SLCO3A1: variants seen among roughly 807,000 people sequenced by gnomAD.
SLCO3A1 encodes the protein PGE1 transporter.
A neutral mutation model predicts 63.1 loss-of-function variants in SLCO3A1; 27 were observed. That is an observed-to-expected ratio of 0.43 (90% CI 0.32 to 0.59). The LOEUF (loss-of-function observed/expected upper bound fraction) is 0.59. Ranked by LOEUF, SLCO3A1 falls within the 20% of genes least tolerant of loss-of-function variation. The pLI, the probability that SLCO3A1 is intolerant of heterozygous loss-of-function variation, is 0.09. For synonymous variants in SLCO3A1, 473 were observed against 409.9 expected, an observed-to-expected ratio of 1.15 and a Z score of -1.86; for missense variants, 773 against 945.8, an observed-to-expected ratio of 0.82 and a Z score of 2.40.
At chr15:92,112,051 T>C (rs1419445012) in intron 4 of SLCO3A1, among the ~76,000 whole-genome samples, 1 of 151,812 alleles carries the variant, frequency 6.6e-6, no homozygotes, top group African/African-American at 2.4e-5. Flanking sequence ...TCACAGGAGG[T>C]TCAAAGGGAT....
At chr15:92,150,825 G>A in intron 8 of SLCO3A1, 125 bp from the exon 9 acceptor site, 2 of 561,394 alleles carry the variant, frequency 3.6e-6, no homozygotes, top group Middle Eastern at 2.8e-4. Context: ...TTTTAAAAAA[G>A]ACACTATTAG....
intron 9 of SLCO3A1, among the ~76,000 whole-genome samples, chr15:92,156,747 T>C (rs1423263906): frequency 1.3e-5 from 2 of 152,218 alleles, no homozygotes; most frequent in Non-Finnish European, 2.9e-5. Flanking sequence ...CCAGGTTGAA[T>C]AGAGATTCCA....
At chr15:91,922,495 G>A (rs1447518304) in intron 2 of SLCO3A1, among the ~76,000 whole-genome samples, 6 of 152,160 alleles carry the variant, frequency 3.9e-5, no homozygotes, top group Non-Finnish European at 4.4e-5. Flanking sequence ...TAGTACGAAG[G>A]GCCCCCGAAT....
At chr15:92,166,767 T>C (rs938961397), downstream of SLCO3A1, among the ~76,000 whole-genome samples, 2 of 152,178 alleles carry the variant, frequency 1.3e-5, no homozygotes, top group African/African-American at 2.4e-5. Flanking sequence ...AAAATGGAGA[T>C]AGATACATGT....
intron 2 of SLCO3A1, among the ~76,000 whole-genome samples, chr15:92,037,281 C>T (rs1405141338): frequency 6.6e-6 from 1 of 152,196 alleles, no homozygotes; most frequent in African/African-American, 2.4e-5. Flanking sequence ...TTCTTCCTGG[C>T]TTGTCCTGGA....
At chr15:92,059,697 T>C (rs1325245204) in intron 2 of SLCO3A1, among the ~76,000 whole-genome samples, 7 of 152,136 alleles carry the variant, frequency 4.6e-5, no homozygotes, top group Non-Finnish European at 1.5e-5. Context: ...GAGGGCTGTA[T>C]CGATGCAGGG....
intron 1 of SLCO3A1, among the ~76,000 whole-genome samples, chr15:91,878,941 A>C (rs1638487929): frequency 6.6e-6 from 1 of 152,130 alleles, no homozygotes; most frequent in African/African-American, 2.4e-5. Flanking sequence ...GAATAGTTGC[A>C]GTCATTCTTC....
At chr15:91,998,893 T>C (rs952413952) in intron 2 of SLCO3A1, among the ~76,000 whole-genome samples, 1 of 152,196 alleles carries the variant, frequency 6.6e-6, no homozygotes, top group Non-Finnish European at 1.5e-5. Context: ...TCAGCCTAGG[T>C]GCCCATCAGC....
chr15:91,977,012 T>G (rs1901141641), intron 2 of SLCO3A1, among the ~76,000 whole-genome samples: 1 of 152,144 alleles, frequency 6.6e-6, no homozygotes, highest in East Asian at 1.9e-4. Flanking sequence ...GACCAAAATT[T>G]ATTAGGTGGG....
At chr15:92,146,839 A>T (rs2048231018) in intron 7 of SLCO3A1, 145 bp from the exon 8 acceptor site, 2 of 671,454 alleles carry the variant, frequency 3.0e-6, no homozygotes, top group South Asian at 2.3e-5. Flanking sequence ...TCCTTAAAAA[A>T]GCTAACTAAC....
intron 7 of SLCO3A1, among the ~76,000 whole-genome samples, chr15:92,131,185 T>G (rs2047991159): frequency 6.6e-6 from 1 of 152,146 alleles, no homozygotes; most frequent in Non-Finnish European, 1.5e-5. Context: ...GTCTGTCCAA[T>G]GTCGAGTACA....
chr15:92,171,746 TC>T, intron 10 of SLCO3A1: 1 of 1,447,872 alleles, frequency 6.9e-7, no homozygotes, highest in Middle Eastern at 1.7e-4. Context: ...GATCTCTTTT[TC>T]CTCTTGGCTC....
rs1252977191 is a variant in SLCO3A1, at chr15:91,885,974, G to A, written c.181-30019G>A. ...AAGACCAGTGTGTCTCTAGCAGAGAGGGTGAGAGGGAGGCAGGGGAAGATG... is the reference window on the plus strand; with the variant it reads ...AAGACCAGTGTGTCTCTAGCAGAGAAGGTGAGAGGGAGGCAGGGGAAGATG... On this transcript the variant is annotated intron_variant, in intron 1 of 9. Coordinates refer to ENST00000318445, the MANE Select transcript of SLCO3A1 (RefSeq NM_013272.4). This position sits in a 1 kb window ranked among gnomAD's most constrained non-coding sequence, Gnocchi z 4.7. 6.6e-6 allele frequency among the ~76,000 whole-genome samples: 1 copy of A among 152,158 alleles called. No individual in the cohort carries two copies. The highest frequency in any genetic ancestry group is 1.5e-5 in the Non-Finnish European group (1 of 68,028).
At position 91,854,049 on chromosome 15, in the gene SLCO3A1, C is replaced by T. The variant is rs375447514; in HGVS notation, c.141C>T (p.Cys47=). 6 of 1,537,716 alleles carry T rather than the reference C, an allele frequency of 3.9e-6. No individual in the cohort carries two copies. The highest frequency in any genetic ancestry group is 5.3e-6 in the Non-Finnish European group (6 of 1,140,006). ...TCAAGATCTTCCTGGTGTCCGAGTGCGCCCTGATGCTGGCGCAGGGCACGG... is the reference window on the plus strand; with the variant it reads ...TCAAGATCTTCCTGGTGTCCGAGTGTGCCCTGATGCTGGCGCAGGGCACGG... The part of the protein sequence containing the change: ...SNIKIFLVSE[C]ALMLAQGTVG... The change falls in exon 1 of 10, where the codon TGC becomes TGT. Residue 47 remains cysteine, a synonymous_variant. Coordinates refer to ENST00000318445, the MANE Select transcript of SLCO3A1 (RefSeq NM_013272.4). The surrounding 1 kb of genome is among the most constrained non-coding windows in gnomAD (Gnocchi z 6.4).
At chr15:92,159,171 A>G (rs10852169) in intron 9 of SLCO3A1, among the ~76,000 whole-genome samples, 9,209 of 152,292 alleles carry the variant, frequency 0.06, 373 homozygotes, top group South Asian at 0.087. Flanking sequence ...GACTTTCTCC[A>G]GGACTTTTGG....
chr15:91,904,724 T>C (rs1252684468), intron 1 of SLCO3A1, among the ~76,000 whole-genome samples: 12 of 152,224 alleles, frequency 7.9e-5, no homozygotes, highest in Non-Finnish European at 1.6e-4. Flanking sequence ...TTTGTTATTA[T>C]TCTGGAAGCT....
intron 2 of SLCO3A1, among the ~76,000 whole-genome samples, chr15:92,053,736 TG>T (rs1480160434): frequency 2.0e-5 from 3 of 151,164 alleles, no homozygotes; most frequent in Non-Finnish European, 4.4e-5. Context: ...ACTGGGGTTA[TG>T]GGTTTGGAAG....
chr15:92,012,570 G>C (rs1463147630), intron 2 of SLCO3A1, among the ~76,000 whole-genome samples: 1 of 152,088 alleles, frequency 6.6e-6, no homozygotes, highest in Non-Finnish European at 1.5e-5. Context: ...GTTTTCCTTG[G>C]AGTTGATGTA....
At chr15:91,989,173 G>A (rs1377973779) in intron 2 of SLCO3A1, among the ~76,000 whole-genome samples, 3 of 152,128 alleles carry the variant, frequency 2.0e-5, no homozygotes, top group Non-Finnish European at 2.9e-5. Context: ...CTATTAACCT[G>A]CCGCAAATGT....
Sources: gnomAD v4.1 joint callset for allele counts (sites outside exome capture counted in the v4.1 genomes callset) on GRCh38, gnomAD v4.1.1 for gene constraint, Gnocchi (gnomAD v3.1) non-coding constraint, MANE v1.5 for transcripts, NCBI Gene and HGNC (gene_info 2026-07-23, HGNC 2026-07-21) for gene names.